The following COQ8A variants were observed in gnomAD, a reference collection of about 807,000 sequenced individuals.
The protein encoded by COQ8A is atypical kinase COQ8A, mitochondrial.
A neutral mutation model predicts 65.0 loss-of-function variants in COQ8A; 51 were observed. That is an observed-to-expected ratio of 0.78 (90% confidence interval 0.63 to 0.99). COQ8A has a LOEUF of 0.99. COQ8A is among the 50% of genes least tolerant of loss of function. COQ8A has a pLI of 0.00. For synonymous variants in COQ8A, 371 were observed against 353.2 expected (o/e 1.05, Z -0.57); for missense variants, 940 against 875.0 (o/e 1.07, Z -0.94).
At position 226,983,911 on chromosome 1, in the gene COQ8A, T is replaced by G. The variant is rs990150308; in HGVS notation, c.1256+57T>G. ...TGCACCAGGGAGGCAGAAGGGACCA[T>G]GTTCAGCAGCTGGTGAAGGCCCCTC... On this transcript the variant is annotated intron_variant, in intron 10 of 14. Transcript: ENST00000366777. 5.1e-6 allele frequency: 8 copies of G among 1,579,878 alleles called. No individual in the cohort carries two copies. In the African/African-American group the frequency reaches 6.7e-5, roughly 13 times the overall value.
intron 5 of COQ8A, among the ~76,000 whole-genome samples, chr1:226,981,474 G>A (rs1406018810): frequency 6.6e-6 from 1 of 152,214 alleles, no homozygotes; most frequent in African/African-American, 2.4e-5. Flanking sequence ...CGGGAGAGAC[G>A]GGCACCCCTG....
At chr1:226,969,352 G>A (rs1049965276) in intron 4 of COQ8A, among the ~76,000 whole-genome samples, 2 of 152,086 alleles carry the variant, frequency 1.3e-5, no homozygotes, top group African/African-American at 4.8e-5. Flanking sequence ...AGGCTGGAGT[G>A]CAGTGGCACA....
In COQ8A at chr1:226,983,023, ATGAAGATCCAGGTAGGCGGCC is replaced by A. The variant is rs1659813614; in HGVS notation, c.1073_1080+13del. The A allele has an allele frequency of 1.3e-6, 2 of 1,588,904 alleles. No homozygotes were observed. The highest frequency in any genetic ancestry group is 2.7e-5 in the African/African-American group (2 of 74,316). ...AATGAAGGGCGGCCGCGAGGTGGCC[ATGAAGATCCAGGTAGGCGGCC>A]TGATGCGCAGTGCCTGTCCCTATGG... On this transcript the variant is annotated splice_donor_variant and splice_donor_5th_base_variant and coding_sequence_variant and intron_variant, in exon 8 of 15. Transcript: ENST00000366777. LOFTEE classifies it high-confidence loss of function.
At chr1:226,951,746 C>A (rs1657399935) in intron 1 of COQ8A, among the ~76,000 whole-genome samples, 2 of 151,556 alleles carry the variant, frequency 1.3e-5, no homozygotes, top group African/African-American at 4.9e-5. Context: ...ATCTTTCTTG[C>A]AACTGCTGAA....
At chr1:226,942,193 C>T (rs1162639499) in intron 1 of COQ8A, among the ~76,000 whole-genome samples, 4 of 152,024 alleles carry the variant, frequency 2.6e-5, no homozygotes, top group African/African-American at 9.7e-5. Context: ...AAAGAGTTGT[C>T]CTGTGCTGCC....
At position 226,952,116 on chromosome 1, in the gene COQ8A, C is replaced by T. The variant is rs1657423688; in HGVS notation, c.-9-9261C>T. Among the ~76,000 whole-genome samples the T allele has an allele frequency of 2.0e-5, 3 of 152,228 alleles. No homozygotes were observed. In the South Asian group the frequency reaches 6.2e-4, roughly 31 times the overall value. On this transcript the variant is annotated intron_variant, in intron 1 of 14. Transcript: ENST00000366777. The stretch of plus-strand genomic sequence containing the variant: ...ACATTAGGGAAGGCAGGCAGACCCG[C>T]TGCTTGTTCCAAGTGATTTTTTTCC...
intron 1 of COQ8A, among the ~76,000 whole-genome samples, chr1:226,959,742 C>A (rs1026356618): frequency 1.3e-5 from 2 of 152,240 alleles, no homozygotes; most frequent in African/African-American, 4.8e-5. Flanking sequence ...TGCTCACCAT[C>A]TCTGCTTCCT....
intron 1 of COQ8A, among the ~76,000 whole-genome samples, chr1:226,952,660 C>G (rs1232695939): frequency 2.2e-4 from 33 of 152,230 alleles, no homozygotes; most frequent in Admixed American, 2.1e-3. Context: ...AATCTTCCCA[C>G]CTTGGCCTTC....
At chr1:226,947,331 G>A (rs935165500) in intron 1 of COQ8A, among the ~76,000 whole-genome samples, 7 of 152,142 alleles carry the variant, frequency 4.6e-5, no homozygotes, top group Non-Finnish European at 7.4e-5. Context: ...GCTCAGCCTT[G>A]ATGAGCTTTA....
In COQ8A at chr1:226,984,546, A is replaced by G. The variant is rs1572084332; in HGVS notation, c.1399-2A>G. 1 of 1,612,120 alleles carries G rather than the reference A, an allele frequency of 6.2e-7. No individual in the cohort carries two copies. The highest frequency in any genetic ancestry group is 1.1e-5 in the South Asian group (1 of 91,068). Reference sequence around the variant, plus strand: ...GACACAGACCCTTCGCGCTGTCCACAGATCTGCTACAACATCCTGGTTCTG... The same window carrying G: ...GACACAGACCCTTCGCGCTGTCCACGGATCTGCTACAACATCCTGGTTCTG... On this transcript the variant is annotated splice_acceptor_variant, in intron 11 of 14. Coordinates refer to ENST00000366777, the MANE Select transcript of COQ8A (RefSeq NM_020247.5). LOFTEE classifies it high-confidence loss of function.
rs1033139008 is a variant in COQ8A at position 226,983,181 on chromosome 1, GC to G, written c.1080+149del. The G allele has an allele frequency of 1.5e-5, 18 of 1,219,022 alleles. No individual in the cohort carries two copies. In the African/African-American group the frequency reaches 2.6e-4, roughly 18 times the overall value. The allele number at this position is 1,219,022 out of a possible 1,614,324, so 75.5% of individuals were successfully genotyped here. The stretch of plus-strand genomic sequence containing the variant: ...ATATGTGGTGTCTTCTGGCCCCAGT[GC>G]CTGGACGGCACCAGAAGCTTGGGAA... On this transcript the variant is annotated intron_variant, in intron 8 of 14. Coordinates refer to ENST00000366777, the MANE Select transcript of COQ8A (RefSeq NM_020247.5).
intron 1 of COQ8A, among the ~76,000 whole-genome samples, chr1:226,958,844 C>T (rs1034095842): frequency 1.8e-4 from 28 of 152,124 alleles, no homozygotes; most frequent in African/African-American, 6.3e-4. Flanking sequence ...AGGCGAGACC[C>T]CCAAAACGTG....
chr1:226,982,402 C>A (rs1206444088), intron 6 of COQ8A: 2 of 644,048 alleles, frequency 3.1e-6, no homozygotes, highest in Non-Finnish European at 5.3e-6. Flanking sequence ...CAACATTTTA[C>A]TATGTTTTAT....
Position 226,986,852 on chromosome 1 carries a change from G to T in COQ8A, c.*115G>T. ...TTAACTCCTTTGCCCAATAAGGGGGGTGGCTGCCTGGAGCCCCGTAGCCAG... is the reference window on the plus strand; with the variant it reads ...TTAACTCCTTTGCCCAATAAGGGGGTTGGCTGCCTGGAGCCCCGTAGCCAG... On this transcript the variant is annotated 3_prime_UTR_variant, in exon 15 of 15. Transcript: ENST00000366777. 3 of 1,349,668 alleles carry T rather than the reference G, an allele frequency of 2.2e-6. No individual in the cohort carries two copies. Among genetic ancestry groups the T allele is most frequent in the Non-Finnish European group, 3.1e-6 (3 of 983,288 alleles). The allele number at this position is 1,349,668 out of a possible 1,614,324, so 83.6% of individuals were successfully genotyped here.
chr1:226,981,525 C>A (rs1659687241), intron 5 of COQ8A, among the ~76,000 whole-genome samples: 1 of 152,254 alleles, frequency 6.6e-6, no homozygotes, highest in Admixed American at 6.5e-5. Context: ...CCCTTGAGGA[C>A]AGCCCTCTGG....
rs913285670 is a variant in COQ8A at position 226,965,293 on chromosome 1, C to G, written c.471C>G (p.Gly157=). ...ANPRDSFSAM[G]FQRRFFHQDQ... is the part of the protein sequence containing the mutation. ...CCAGAGACTCATTCTCTGCCATGGGCTTTCAGCGAAGGTTCTTCCACCAGG... is the reference window on the plus strand; with the variant it reads ...CCAGAGACTCATTCTCTGCCATGGGGTTTCAGCGAAGGTTCTTCCACCAGG... Residue 157 remains glycine (G), a synonymous_variant, in exon 3 of 15, where the codon GGC becomes GGG. Coordinates refer to ENST00000366777, the MANE Select transcript of COQ8A (RefSeq NM_020247.5). 8.1e-6 allele frequency: 13 copies of G among 1,613,856 alleles called. No individual in the cohort carries two copies. The highest frequency in any genetic ancestry group is 1.0e-5 in the Non-Finnish European group (12 of 1,180,026).
chr1:226,987,279 G>A lies in COQ8A; in HGVS notation c.*542G>A, dbSNP rs1010636270. 1.3e-5 allele frequency: 2 copies of A among 158,150 alleles called. No individual in the cohort carries two copies. Among genetic ancestry groups the A allele is most frequent in the Non-Finnish European group, 2.8e-5 (2 of 71,734 alleles). 9.8% of individuals were successfully genotyped at this position (158,150 alleles called of 1,614,324 possible). On this transcript the variant is annotated 3_prime_UTR_variant, in exon 15 of 15. Transcript: ENST00000366777. ...TAAGCCTGCGAGGCCCAGGCCTGTG[G>A]GGCTGGTTCTCACCTTTGACAGCTG... is the stretch of plus-strand genomic sequence containing the variant.
At chr1:226,952,518 C>T (rs188303360) in intron 1 of COQ8A, among the ~76,000 whole-genome samples, 14 of 152,070 alleles carry the variant, frequency 9.2e-5, no homozygotes, top group East Asian at 1.9e-4. Context: ...TGGGCTCAAG[C>T]GATCCTCCCA....
At position 226,946,118 on chromosome 1, in the gene COQ8A, G is replaced by T. The variant is rs894103517; in HGVS notation, c.-10+5719G>T. On this transcript the variant is annotated intron_variant, in intron 1 of 14. Coordinates refer to ENST00000366777, the MANE Select transcript of COQ8A (RefSeq NM_020247.5). This position sits in a 1 kb window ranked among gnomAD's most constrained non-coding sequence, Gnocchi z 5.3. ...ATAAACTCGTGTGTATGAGGACAGT[G>T]CCAGACCCCGTTGGGGGTACAGAAC... Among the ~76,000 whole-genome samples the T allele has an allele frequency of 6.6e-6, 1 of 152,130 alleles. No individual in the cohort carries two copies. The highest frequency in any genetic ancestry group is 2.4e-5 in the African/African-American group (1 of 41,424).
Sources: gnomAD v4.1 joint callset for allele counts (sites outside exome capture counted in the v4.1 genomes callset) on GRCh38, gnomAD v4.1.1 for gene constraint, Gnocchi (gnomAD v3.1) non-coding constraint, MANE v1.5 for transcripts, NCBI Gene and HGNC (gene_info 2026-07-23, HGNC 2026-07-21) for gene names.